Variants in TMED1 observed in about 807,000 individuals in gnomAD.
The protein encoded by TMED1 is transmembrane emp24 domain-containing protein 1.
A neutral mutation model predicts 21.2 loss-of-function variants in TMED1; 20 were observed. The observed-to-expected ratio is 0.95, with a 90% CI of 0.67 to 1.37. The LOEUF (loss-of-function observed/expected upper bound fraction) is 1.37. Ranked by LOEUF, TMED1 falls within the 40% of genes most tolerant of loss-of-function variation. The probability of loss-of-function intolerance (pLI) is 0.00; values close to 1 mark genes in which losing one functional copy is unlikely to be tolerated. For synonymous variants in TMED1, 149 were observed against 134.7 expected (o/e 1.11, Z -0.74); for missense variants, 316 against 309.8 (o/e 1.02, Z -0.15).
rs772412796 is a variant in TMED1 at position 10,835,044 on chromosome 19, C to A, written c.355G>T (p.Val119Leu). 6.2e-7 allele frequency: 1 copy of A among 1,614,210 alleles called. No homozygotes were observed. The highest frequency in any genetic ancestry group is 8.5e-7 in the Non-Finnish European group (1 of 1,180,040). The change falls in exon 3 of 4, where the codon GTG (valine) becomes TTG (leucine). Residue 119 changes from valine to leucine, a missense_variant. Transcript: ENST00000214869. ...CTGTCAAAGATCAGTTCAAAGAACA[C>A]CAGCTTCTCGGAGATGGTGCTGAAG... ...NSFSTISEKL[V>L]FFELIFDSLQ...
At position 10,834,022 on chromosome 19, in the gene TMED1, TAGTC is replaced by T. The variant is rs531369002; in HGVS notation, c.466-813_466-810del. Among the ~76,000 whole-genome samples the T allele has an allele frequency of 7.2e-3, 1,102 of 152,066 alleles. 10 individuals carry two copies. The highest frequency in any genetic ancestry group is 0.029 in the South Asian group (140 of 4,804). Reference sequence around the variant, plus strand: ...CTGTCTCTACTAAAAATACAAAAATTAGTCAGTCAGGCGTGGTGGCACAGCTATT... The same window carrying T: ...CTGTCTCTACTAAAAATACAAAAATTAGTCAGGCGTGGTGGCACAGCTATT... On this transcript the variant is annotated intron_variant, in intron 3 of 3. Coordinates refer to ENST00000214869, the MANE Select transcript of TMED1 (RefSeq NM_006858.4).
chr19:10,835,242 A>G lies in TMED1; in HGVS notation c.281+14T>C, dbSNP rs376747820. The G allele has an allele frequency of 1.2e-6, 2 of 1,614,010 alleles. No homozygotes were observed. The highest frequency in any genetic ancestry group is 2.7e-5 in the African/African-American group (2 of 74,944). Reference sequence around the variant, plus strand: ...CTGTAACTGAACCCAGGCAGGCATCAAGACTGAACTCACGTGTGTACCCCA... The same window carrying G: ...CTGTAACTGAACCCAGGCAGGCATCGAGACTGAACTCACGTGTGTACCCCA... On this transcript the variant is annotated intron_variant, in intron 2 of 3. Transcript: ENST00000214869.
chr19:10,835,748 T>C, intron 1 of TMED1: 1 of 1,413,954 alleles, frequency 7.1e-7, no homozygotes, highest in Non-Finnish European at 9.2e-7. Context: ...GCCAGAGTCC[T>C]GTCCTCTCAG....
Position 10,836,182 on chromosome 19 carries a change from C to T in TMED1, c.10G>A (p.Ala4Thr). The T allele has an allele frequency of 3.9e-6, 6 of 1,550,238 alleles. No homozygotes were observed. Among genetic ancestry groups the T allele is most frequent in the Non-Finnish European group, 5.2e-6 (6 of 1,151,102 alleles). ...AAGGCCAGGGCTAGGGCCGCGCCGG[C>T]CGCCATCATCCGGGTCACCCTCTGG... MMA[A>T]GAALALALWL... is the part of the protein sequence containing the mutation. The change falls in exon 1 of 4, where the codon GCC becomes ACC. Residue 4 changes from alanine (A) to threonine (T), a missense_variant. Transcript: ENST00000214869.
At position 10,833,567 on chromosome 19, in the gene TMED1, G is replaced by T. The variant is rs762990124; in HGVS notation, c.466-354C>A. On this transcript the variant is annotated intron_variant, in intron 3 of 3. Transcript: ENST00000214869. ...GCTTGAGCCCAGGAGTTTGAGACCA[G>T]CCTGGGCTACATGGCAAAACCCCAT... is the stretch of plus-strand genomic sequence containing the variant. 85 of 286,164 alleles carry T rather than the reference G, an allele frequency of 3.0e-4. 1 individual carries two copies. Among genetic ancestry groups the T allele is most frequent in the Middle Eastern group, 1.2e-3 (1 of 850 alleles). 17.7% of individuals were successfully genotyped at this position (286,164 alleles called of 1,614,324 possible).
intron 1 of TMED1, 81 bp downstream of exon 1, chr19:10,835,928 C>A: frequency 6.8e-7 from 1 of 1,480,292 alleles, no homozygotes. Flanking sequence ...CCCCCTTCCT[C>A]CTAAAGCGCG....
rs771334522 is a variant in TMED1 at position 10,835,355 on chromosome 19, TG to T, written c.184-3del. 1 of 1,613,264 alleles carries T rather than the reference TG, an allele frequency of 6.2e-7. No individual in the cohort carries two copies. Among genetic ancestry groups the T allele is most frequent in the Non-Finnish European group, 8.5e-7 (1 of 1,179,836 alleles). On this transcript the variant is annotated splice_region_variant and splice_polypyrimidine_tract_variant and intron_variant, in intron 1 of 3. Transcript: ENST00000214869. Reference sequence around the variant, plus strand: ...GTCCAGTCCAGCACCTCCGATCACCTGGGGGGCAGGTAAGAGCGGGTGGAGG... The same window carrying T: ...GTCCAGTCCAGCACCTCCGATCACCTGGGGGCAGGTAAGAGCGGGTGGAGG...
chr19:10,834,986 G>C lies in TMED1; in HGVS notation c.413C>G (p.Ala138Gly), dbSNP rs1216288418. ...LQDDEEVEGWAEAVEPEEMLD... is the reference protein window; with the variant it reads ...LQDDEEVEGWGEAVEPEEMLD... ...CATCTCCTCGGGCTCCACAGCCTCT[G>C]CCCATCCTTCGACCTCCTCGTCATC... Residue 138 changes from alanine (A) to glycine (G), a missense_variant, in exon 3 of 4, where the codon GCA becomes GGA. By Grantham distance (60) the Ala-to-Gly change is moderately conservative (BLOSUM62 0). Transcript: ENST00000214869. The C allele has an allele frequency of 3.7e-6, 6 of 1,614,050 alleles. No individual in the cohort carries two copies. The highest frequency in any genetic ancestry group is 5.1e-6 in the Non-Finnish European group (6 of 1,180,018).
rs560531165 is a variant in TMED1 at position 10,835,658 on chromosome 19, C to G, written c.184-305G>C. 165 of 1,403,348 alleles carry G rather than the reference C, an allele frequency of 1.2e-4. No homozygotes were observed. In the African/African-American group the frequency reaches 2.1e-3, roughly 18 times the overall value. The allele number at this position is 1,403,348 out of a possible 1,614,324, so 86.9% of individuals were successfully genotyped here. ...GAAAGAGGATAGGCCCAGCCTTTTT[C>G]CTTAGTCTAACCCCCGAGAAAGGCC... On this transcript the variant is annotated intron_variant, in intron 1 of 3. Transcript: ENST00000214869.
In TMED1 at chr19:10,834,872, G is replaced by C. The variant is rs753990472; in HGVS notation, c.465+62C>G. On this transcript the variant is annotated intron_variant, in intron 3 of 3. Coordinates refer to ENST00000214869, the MANE Select transcript of TMED1 (RefSeq NM_006858.4). ...GAGGGGAGGCTGGGTCAGCCCAAGG[G>C]GGGCACCCCAGGTGAATCCTAGAGA... The C allele has an allele frequency of 1.9e-6, 3 of 1,567,888 alleles. No individual in the cohort carries two copies. In the South Asian group the frequency reaches 3.6e-5, roughly 19 times the overall value.
rs376239692 is a variant in TMED1 at position 10,835,774 on chromosome 19, A to C, written c.183+235T>G. On this transcript the variant is annotated intron_variant, in intron 1 of 3. Transcript: ENST00000214869. Reference sequence around the variant, plus strand: ...GTCCTCTCAGAGGCTCCCTATACTTATCGATGGCCCCGCCCCCTCTGGATC... The same window carrying C: ...GTCCTCTCAGAGGCTCCCTATACTTCTCGATGGCCCCGCCCCCTCTGGATC... 80 of 1,416,358 alleles carry C rather than the reference A, an allele frequency of 5.6e-5. No individual in the cohort carries two copies. The African/African-American group carries it at 7.4e-4, about 13-fold the overall frequency. 87.7% of individuals were successfully genotyped at this position (1,416,358 alleles called of 1,614,324 possible). A position where few individuals can be genotyped will look rare whatever the true frequency, so the allele number is the denominator to read the frequency against.
chr19:10,835,402 G>A, intron 1 of TMED1, 49 bp from the exon 2 acceptor site: 1 of 1,605,942 alleles, frequency 6.2e-7, no homozygotes, highest in South Asian at 1.1e-5. Context: ...GGCCAAGGGC[G>A]CCTGCCGAAG....
chr19:10,834,986 G>GC lies in TMED1; in HGVS notation c.412dup (p.Ala138GlyfsTer13). On this transcript the variant is annotated frameshift_variant, in exon 3 of 4. Transcript: ENST00000214869. LOFTEE classifies it high-confidence loss of function. ...CATCTCCTCGGGCTCCACAGCCTCTGCCCATCCTTCGACCTCCTCGTCATC... is the reference window on the plus strand; with the variant it reads ...CATCTCCTCGGGCTCCACAGCCTCTGCCCCATCCTTCGACCTCCTCGTCATC... 2 of 1,614,168 alleles carry GC rather than the reference G, an allele frequency of 1.2e-6. No individual in the cohort carries two copies.
At chr19:10,834,531 C>T (rs1209838487) in intron 3 of TMED1, among the ~76,000 whole-genome samples, 1 of 145,804 alleles carries the variant, frequency 6.9e-6, no homozygotes, top group Non-Finnish European at 1.5e-5. Flanking sequence ...GCGATCTCGG[C>T]TCACTGCAAC....
chr19:10,832,345 C>T lies in TMED1; in HGVS notation c.*650G>A. The T allele has an allele frequency of 3.9e-6, 5 of 1,289,912 alleles. No individual in the cohort carries two copies. The highest frequency in any genetic ancestry group is 5.1e-6 in the Non-Finnish European group (5 of 988,932). 79.9% of individuals were successfully genotyped at this position (1,289,912 alleles called of 1,614,324 possible). On this transcript the variant is annotated 3_prime_UTR_variant, in exon 4 of 4. Coordinates refer to ENST00000214869, the MANE Select transcript of TMED1 (RefSeq NM_006858.4). ...GCTCCCGCACGACCTTTCTTCTGAG[C>T]TTCGTGGGAGGCCCCTCCCACCTGT...
At chr19:10,834,454 CTTTTTTTTTTTT>C (rs769963664) in intron 3 of TMED1, among the ~76,000 whole-genome samples, 3 of 119,644 alleles carry the variant, frequency 2.5e-5, no homozygotes, top group African/African-American at 9.2e-5. Context: ...AAATGAACTA[CTTTTTTTTTTTT>C]TTTTTTTTTT....
chr19:10,833,930 G>A (rs1170742954), intron 3 of TMED1, among the ~76,000 whole-genome samples: 1 of 151,762 alleles, frequency 6.6e-6, no homozygotes, highest in African/African-American at 2.4e-5. Context: ...AGAGCTTTGG[G>A]AAGCCAAGGC....
intron 3 of TMED1, among the ~76,000 whole-genome samples, chr19:10,834,037 G>A (rs1175196610): frequency 2.0e-5 from 3 of 152,214 alleles, no homozygotes; most frequent in Non-Finnish European, 4.4e-5. Context: ...AGTCAGGCGT[G>A]GTGGCACAGC....
intron 1 of TMED1, 194 bp from the exon 2 acceptor site, chr19:10,835,547 G>C: frequency 6.9e-7 from 1 of 1,443,794 alleles, no homozygotes; most frequent in Non-Finnish European, 9.1e-7. Context: ...TGACAGCTTG[G>C]GGTCCATACT....
Sources: gnomAD v4.1 joint callset for allele counts (sites outside exome capture counted in the v4.1 genomes callset) on GRCh38, gnomAD v4.1.1 for gene constraint, MANE v1.5 for transcripts, NCBI Gene and HGNC (gene_info 2026-07-23, HGNC 2026-07-21) for gene names.